CSNK1G1: variants seen among roughly 807,000 people sequenced by gnomAD.
CSNK1G1 encodes the protein casein kinase 1 gamma 1.
In CSNK1G1, 22 loss-of-function variants were observed where a neutral mutation model predicts 59.6. The ratio of observed to expected loss-of-function variants is 0.37; its 90% CI spans 0.26 to 0.53. The LOEUF is 0.53. Among genes scored for constraint, CSNK1G1 ranks in the 20% least tolerant of loss-of-function variants. The pLI, the probability that CSNK1G1 is intolerant of heterozygous loss-of-function variation, is 0.89. For missense variants in CSNK1G1, 384 were observed against 519.5 expected (o/e 0.74, Z 2.54); for synonymous variants, 179 against 177.1 (o/e 1.01, Z -0.08).
At chr15:64,203,313 T>TC in intron 9 of CSNK1G1, 124 bp from the exon 10 acceptor site, 1 of 699,198 alleles carries the variant, frequency 1.4e-6, no homozygotes, top group South Asian at 1.6e-5. Flanking sequence ...AAGAGCACTT[T>TC]CAAGTTGTCT....
intron 2 of CSNK1G1, among the ~76,000 whole-genome samples, chr15:64,263,587 C>T (rs1844798603): frequency 6.6e-6 from 1 of 152,170 alleles, no homozygotes; most frequent in African/African-American, 2.4e-5. Flanking sequence ...TTAGCCCCTT[C>T]TGCATCCCAC....
intron 10 of CSNK1G1, among the ~76,000 whole-genome samples, chr15:64,190,681 T>C (rs554900392): frequency 9.6e-4 from 146 of 152,336 alleles, no homozygotes; most frequent in African/African-American, 3.4e-3. Flanking sequence ...CCCAAAGTGC[T>C]GGAATTACAG....
At chr15:64,329,797 AAGAG>A (rs1470465472) in intron 1 of CSNK1G1, among the ~76,000 whole-genome samples, 1 of 64,890 alleles carries the variant, frequency 1.5e-5, no homozygotes, top group African/African-American at 6.4e-5. Flanking sequence ...TAAAGAAAAA[AAGAG>A]AGAAGAATCA....
intron 4 of CSNK1G1, among the ~76,000 whole-genome samples, chr15:64,221,727 T>C (rs918770325): frequency 6.6e-6 from 1 of 151,930 alleles, no homozygotes; most frequent in Non-Finnish European, 1.5e-5. Context: ...CACAATGAGA[T>C]ACCATCTCAC....
At chr15:64,236,310 T>C (rs2082616738) in intron 4 of CSNK1G1, among the ~76,000 whole-genome samples, 1 of 152,150 alleles carries the variant, frequency 6.6e-6, no homozygotes, top group South Asian at 2.1e-4. Flanking sequence ...TGCAAGGCTA[T>C]CCATTCATAC....
Position 64,171,540 on chromosome 15 carries a change from A to T in CSNK1G1, c.*391T>A. ...CTTCTGCAGACAAAGCCTTTAGCTC[A>T]CTAGGTTTTATGCTGGAGAGGGTTG... On this transcript the variant is annotated 3_prime_UTR_variant, in exon 12 of 12. Transcript: ENST00000303052. This position sits in a 1 kb window ranked among gnomAD's most constrained non-coding sequence, Gnocchi z 4.8. 2 of 195,304 alleles carry T rather than the reference A, an allele frequency of 1.0e-5. No individual in the cohort carries two copies. The highest frequency in any genetic ancestry group is 2.1e-4 in the South Asian group (2 of 9,456). The allele number at this position is 195,304 out of a possible 1,614,324, so 12.1% of individuals were successfully genotyped here. A position where few individuals can be genotyped will look rare whatever the true frequency, so the allele number is the denominator to read the frequency against.
At chr15:64,184,960 CAT>C (rs1224873910) in intron 10 of CSNK1G1, among the ~76,000 whole-genome samples, 15 of 152,184 alleles carry the variant, frequency 9.9e-5, no homozygotes, top group Non-Finnish European at 1.9e-4. Flanking sequence ...TACTTCAACT[CAT>C]GTGTCATTCT....
intron 4 of CSNK1G1, among the ~76,000 whole-genome samples, chr15:64,230,516 C>T (rs2082532550): frequency 6.6e-6 from 1 of 152,070 alleles, no homozygotes; most frequent in Non-Finnish European, 1.5e-5. Context: ...CAGGTTGGTC[C>T]TGAAGTCCTG....
At chr15:64,336,214 CT>C (rs1320091473) in intron 1 of CSNK1G1, among the ~76,000 whole-genome samples, 5 of 151,800 alleles carry the variant, frequency 3.3e-5, no homozygotes, top group Non-Finnish European at 7.4e-5. Flanking sequence ...TTTCAAGTAA[CT>C]GAAATTTACT....
In CSNK1G1 at chr15:64,216,890, T is replaced by C. The variant is rs961923601; in HGVS notation, c.293-177A>G. Among the ~76,000 whole-genome samples the C allele has an allele frequency of 6.6e-6, 1 of 152,258 alleles. No individual in the cohort carries two copies. Among genetic ancestry groups the C allele is most frequent in the African/African-American group, 2.4e-5 (1 of 41,468 alleles). On this transcript the variant is annotated intron_variant, in intron 4 of 11. Transcript: ENST00000303052. The surrounding 1 kb of genome is among the most constrained non-coding windows in gnomAD (Gnocchi z 4.6). ...GCACAACAGCTTCAATGGGAACTAA[T>C]AATGATGGGAAAGGCTAAGTCATTG...
intron 1 of CSNK1G1, among the ~76,000 whole-genome samples, chr15:64,304,734 A>G (rs1895572193): frequency 6.6e-6 from 1 of 152,228 alleles, no homozygotes; most frequent in African/African-American, 2.4e-5. Context: ...GTACATAAAT[A>G]TTTAAATTTC....
At chr15:64,303,555 C>T (rs1895482737) in intron 1 of CSNK1G1, among the ~76,000 whole-genome samples, 1 of 151,808 alleles carries the variant, frequency 6.6e-6, no homozygotes, top group Non-Finnish European at 1.5e-5. Flanking sequence ...AGTTCAAGAC[C>T]AGCCTGGCCA....
At chr15:64,206,372 G>A (rs1273539667) in intron 7 of CSNK1G1, among the ~76,000 whole-genome samples, 4 of 151,894 alleles carry the variant, frequency 2.6e-5, no homozygotes, top group Admixed American at 6.6e-5. Flanking sequence ...CCCAGGAGGC[G>A]GAGGTTGCAG....
intron 1 of CSNK1G1, among the ~76,000 whole-genome samples, chr15:64,313,179 G>A (rs1411023138): frequency 6.6e-6 from 1 of 152,160 alleles, no homozygotes; most frequent in Non-Finnish European, 1.5e-5. Flanking sequence ...AACCATTGTG[G>A]AAGACAGTGT....
intron 1 of CSNK1G1, among the ~76,000 whole-genome samples, chr15:64,331,865 A>G (rs1897127926): frequency 6.7e-6 from 1 of 149,048 alleles, no homozygotes; most frequent in East Asian, 2.0e-4. Context: ...TGGGCGAAGG[A>G]CATGAACAGA....
At chr15:64,179,651 A>G (rs1032419953) in intron 11 of CSNK1G1, among the ~76,000 whole-genome samples, 1 of 152,246 alleles carries the variant, frequency 6.6e-6, no homozygotes, top group African/African-American at 2.4e-5. Context: ...CTGCTTTTGC[A>G]GCAGAATTGG....
At chr15:64,217,060 G>T (rs773588051) in intron 4 of CSNK1G1, among the ~76,000 whole-genome samples, 7 of 152,220 alleles carry the variant, frequency 4.6e-5, no homozygotes, top group Non-Finnish European at 1.0e-4. Flanking sequence ...TCAAAGGATG[G>T]CTCACTGAGC....
rs369985961 is a variant in CSNK1G1, at chr15:64,213,914, A to C, written c.655T>G (p.Ser219Ala). 1 of 1,613,868 alleles carries C rather than the reference A, an allele frequency of 6.2e-7. No individual in the cohort carries two copies. Among genetic ancestry groups the C allele is most frequent in the Non-Finnish European group, 8.5e-7 (1 of 1,179,734 alleles). Residue 219 changes from serine (S) to alanine (A), a missense_variant, in exon 6 of 12, where the codon TCT becomes GCT. Physicochemically the swap from Ser to Ala is moderately conservative, Grantham distance 99. Around this residue, in one of 3 missense-constraint regions of CSNK1G1, gnomAD observed 325 missense variants for 440.9 expected, o/e 0.74. Coordinates refer to ENST00000303052, the MANE Select transcript of CSNK1G1 (RefSeq NM_022048.5). ...CCTTTGCCAAGATGCGTGTTGATAGACATATATCTTGCAGTTCCAGTTAAA... is the reference window on the plus strand; with the variant it reads ...CCTTTGCCAAGATGCGTGTTGATAGCCATATATCTTGCAGTTCCAGTTAAA... Reference protein sequence around the residue: ...KSLTGTARYMSINTHLGKEQS... With the variant: ...KSLTGTARYMAINTHLGKEQS...
chr15:64,327,491 CAGAA>C lies in CSNK1G1; in HGVS notation c.-224-26772_-224-26769del, dbSNP rs1158751248. Among the ~76,000 whole-genome samples, 23 of 145,868 alleles carry C rather than the reference CAGAA, an allele frequency of 1.6e-4. No homozygotes were observed. In the East Asian group the frequency reaches 4.3e-3, roughly 27 times the overall value. On this transcript the variant is annotated intron_variant, in intron 1 of 11. Coordinates refer to ENST00000303052, the MANE Select transcript of CSNK1G1 (RefSeq NM_022048.5). The stretch of plus-strand genomic sequence containing the variant: ...GTCTGTTAGAAGGAAAACTAACAAA[CAGAA>C]AGGACATCCACACCGAAAACCCATC...
Sources: allele counts gnomAD v4.1 joint callset (sites outside exome capture counted in the v4.1 genomes callset), GRCh38; gene constraint gnomAD v4.1.1; regional missense constraint gnomAD v4.1.1; non-coding constraint Gnocchi (gnomAD v3.1); transcripts MANE v1.5; gene names NCBI Gene and HGNC (gene_info 2026-07-23, HGNC 2026-07-21).